Variants in PCDHGB6 observed in about 807,000 individuals in gnomAD.
PCDHGB6 encodes protocadherin gamma subfamily B, 6, also known as protocadherin gamma-B6.
A neutral mutation model predicts 59.1 loss-of-function variants in PCDHGB6; 51 were observed. The ratio of observed to expected loss-of-function variants is 0.86; its 90% CI spans 0.69 to 1.09. PCDHGB6 has a LOEUF of 1.09. PCDHGB6 is among the 50% of genes least tolerant of loss of function. The probability of loss-of-function intolerance (pLI) is 0.00; values close to 1 mark genes in which losing one functional copy is unlikely to be tolerated. For missense variants in PCDHGB6, 1,148 were observed against 1,205.1 expected (o/e 0.95, Z 0.70); for synonymous variants, 466 against 495.1 (o/e 0.94, Z 0.78).
rs763072566 is a variant in PCDHGB6 at position 141,419,417 on chromosome 5, T to G, written c.2418+8797T>G. The stretch of plus-strand genomic sequence containing the variant: ...CGGGGTGGTGTTCGCGCAGCGCGCC[T>G]TCGACCACGAGCAGCTGCGCACCTT... On this transcript the variant is annotated intron_variant, in intron 1 of 3. Transcript: ENST00000520790. 3.0e-5 allele frequency: 48 copies of G among 1,613,288 alleles called. No homozygotes were observed. Among genetic ancestry groups the G allele is most frequent in the Non-Finnish European group, 3.8e-5 (45 of 1,179,884 alleles).
At chr5:141,492,161 TC>T (rs1269738341) in intron 1 of PCDHGB6, among the ~76,000 whole-genome samples, 2 of 152,142 alleles carry the variant, frequency 1.3e-5, no homozygotes, top group Admixed American at 6.5e-5. Context: ...ACCCTCCCTA[TC>T]CCCGCATCAC....
intron 1 of PCDHGB6, among the ~76,000 whole-genome samples, chr5:141,469,045 G>C (rs35157158): frequency 1.4e-3 from 207 of 152,234 alleles, no homozygotes; most frequent in Middle Eastern, 0.01. Flanking sequence ...GGGAGGCCAA[G>C]GTGGGAGGAT....
intron 1 of PCDHGB6, among the ~76,000 whole-genome samples, chr5:141,492,593 A>T (rs907659087): frequency 1.3e-5 from 2 of 152,100 alleles, no homozygotes; most frequent in African/African-American, 4.8e-5. Context: ...GGAGCGCTGG[A>T]GCGACTGCCG....
At chr5:141,498,679 C>G (rs1454800332) in intron 2 of PCDHGB6, among the ~76,000 whole-genome samples, 1 of 152,170 alleles carries the variant, frequency 6.6e-6, no homozygotes, top group Admixed American at 6.5e-5. Flanking sequence ...CGCCTGTAAT[C>G]CCAGCACTTT....
chr5:141,507,781 C>A (rs2099863256), intron 3 of PCDHGB6, among the ~76,000 whole-genome samples: 1 of 152,214 alleles, frequency 6.6e-6, no homozygotes, highest in South Asian at 2.1e-4. Flanking sequence ...CAGGGCCTGA[C>A]CCTCGTCTAA....
At chr5:141,420,883 C>A (rs992351503) in intron 1 of PCDHGB6, among the ~76,000 whole-genome samples, 1 of 152,216 alleles carries the variant, frequency 6.6e-6, no homozygotes, top group Non-Finnish European at 1.5e-5. Context: ...TATTGTGTAT[C>A]ATCGTTTTTA....
In PCDHGB6 at chr5:141,476,584, C is replaced by G. The variant is rs140544807; in HGVS notation, c.2419-18223C>G. ...TGGCTCCGGGGACGCGCTTTCCGCTCGAGAGCGCGCACGATCCCGATGTGG... is the reference window on the plus strand; with the variant it reads ...TGGCTCCGGGGACGCGCTTTCCGCTGGAGAGCGCGCACGATCCCGATGTGG... On this transcript the variant is annotated intron_variant, in intron 1 of 3. Coordinates refer to ENST00000520790, the MANE Select transcript of PCDHGB6 (RefSeq NM_018926.3). This position sits in a 1 kb window ranked among gnomAD's most constrained non-coding sequence, Gnocchi z 7.6. 1.2e-5 allele frequency: 19 copies of G among 1,614,100 alleles called. No homozygotes were observed. The African/African-American group carries it at 2.3e-4, about 19-fold the overall frequency.
intron 2 of PCDHGB6, among the ~76,000 whole-genome samples, chr5:141,505,050 T>C (rs1190927211): frequency 2.0e-5 from 3 of 152,130 alleles, no homozygotes; most frequent in Non-Finnish European, 4.4e-5. Context: ...TCATCCCAGC[T>C]ACTTGGGAGA....
chr5:141,427,046 C>A (rs916723344), intron 1 of PCDHGB6: 6 of 457,244 alleles, frequency 1.3e-5, no homozygotes, highest in African/African-American at 2.0e-5. Flanking sequence ...AGAATGTGCC[C>A]CCAGGCACCT....
intron 1 of PCDHGB6, chr5:141,478,600 C>T (rs762531135): frequency 6.4e-7 from 1 of 1,565,134 alleles, no homozygotes. Context: ...ATTCCTACAT[C>T]ATATTGAGGA....
rs2233612 is a variant in PCDHGB6 at position 141,511,014 on chromosome 5, A to G, written c.2634A>G (p.Gly878=). 8.6e-4 allele frequency: 1,386 copies of G among 1,614,082 alleles called. 14 individuals are homozygous for G. The African/African-American group carries it at 0.017, about 20-fold the overall frequency. The change falls in exon 4 of 4, where the codon GGA becomes GGG. Residue 878 remains glycine, a synonymous_variant. Coordinates refer to ENST00000520790, the MANE Select transcript of PCDHGB6 (RefSeq NM_018926.3). ...AGTMGLSARY[G]PQFTLQHVPD... ...CCATGGGATTGAGCGCCCGCTACGG[A>G]CCCCAGTTCACCCTGCAGCACGTGC...
chr5:141,427,871 G>T, intron 1 of PCDHGB6: 1 of 1,559,532 alleles, frequency 6.4e-7, no homozygotes, highest in Non-Finnish European at 8.8e-7. Flanking sequence ...TCGAGCTCAC[G>T]ATGCAGGCCC....
chr5:141,419,869 G>A, intron 1 of PCDHGB6: 3 of 1,614,072 alleles, frequency 1.9e-6, no homozygotes, highest in South Asian at 1.1e-5. Flanking sequence ...GCTTGCAAGA[G>A]GTACTGCCGG....
At chr5:141,414,287 C>A (rs374229359) in intron 1 of PCDHGB6, 4 of 1,613,316 alleles carry the variant, frequency 2.5e-6, no homozygotes, top group Non-Finnish European at 3.4e-6. Flanking sequence ...ACAGTCGTAG[C>A]CCTTTTAAAT....
chr5:141,426,879 G>T, intron 1 of PCDHGB6: 1 of 456,710 alleles, frequency 2.2e-6, no homozygotes. Flanking sequence ...GAAGCCCCTG[G>T]GCCAGGAGCA....
At position 141,487,736 on chromosome 5, in the gene PCDHGB6, G is replaced by C; in HGVS notation, c.2419-7071G>C. On this transcript the variant is annotated intron_variant, in intron 1 of 3. Transcript: ENST00000520790. The surrounding 1 kb of genome is among the most constrained non-coding windows in gnomAD (Gnocchi z 5.0). Reference sequence around the variant, plus strand: ...TGCCCATAGTGATGTCACCATTTTTGTAAGAGGTAACTATGTGGTAGACGC... The same window carrying C: ...TGCCCATAGTGATGTCACCATTTTTCTAAGAGGTAACTATGTGGTAGACGC... 1 of 1,563,758 alleles carries C rather than the reference G, an allele frequency of 6.4e-7. No homozygotes were observed.
chr5:141,507,344 AT>A (rs1345461058), intron 3 of PCDHGB6: 5 of 152,206 alleles, frequency 3.3e-5, no homozygotes, highest in Non-Finnish European at 5.9e-5. Context: ...TTTACCTGAA[AT>A]TCAAATTTAA....
Position 141,462,050 on chromosome 5 carries a change from C to T in PCDHGB6, c.2419-32757C>T, listed in dbSNP as rs146056741. On this transcript the variant is annotated intron_variant, in intron 1 of 3. Coordinates refer to ENST00000520790, the MANE Select transcript of PCDHGB6 (RefSeq NM_018926.3). ...GTTGGTCAGGCGGGTCTTGAACTCC[C>T]GACCTCAGGTGATCTGCCCGCCTTG... is the stretch of plus-strand genomic sequence containing the variant. 5.5e-3 allele frequency among the ~76,000 whole-genome samples: 830 copies of T among 151,978 alleles called. 23 individuals are homozygous for T. The East Asian group carries it at 0.095, about 17-fold the overall frequency.
Position 141,486,253 on chromosome 5 carries a change from C to A in PCDHGB6, c.2419-8554C>A. The A allele has an allele frequency of 6.2e-7, 1 of 1,614,138 alleles. No individual in the cohort carries two copies. Among genetic ancestry groups the A allele is most frequent in the Non-Finnish European group, 8.5e-7 (1 of 1,180,006 alleles). On this transcript the variant is annotated intron_variant, in intron 1 of 3. Transcript: ENST00000520790. This position sits in a 1 kb window ranked among gnomAD's most constrained non-coding sequence, Gnocchi z 5.0. ...TGACCTCAGAGCTTGGAACCCTCCC[C>A]GAGAGTGCAGAACCTGGCACTGTGG...
Sources: gnomAD v4.1 joint callset for allele counts (sites outside exome capture counted in the v4.1 genomes callset) on GRCh38, gnomAD v4.1.1 for gene constraint, Gnocchi (gnomAD v3.1) non-coding constraint, MANE v1.5 for transcripts, NCBI Gene and HGNC (gene_info 2026-07-23, HGNC 2026-07-21) for gene names.